Variants in CTNNA2 observed in about 807,000 individuals in gnomAD.
The protein encoded by CTNNA2 is catenin alpha 2.
In CTNNA2, 42 loss-of-function variants were observed where a neutral mutation model predicts 101.0. That is an observed-to-expected ratio of 0.42 (90% CI 0.32 to 0.54). The LOEUF is 0.54. Among genes scored for constraint, CTNNA2 ranks in the 20% least tolerant of loss-of-function variants. CTNNA2 has a pLI of 0.14. For missense variants in CTNNA2, 871 were observed against 1,223.1 expected (o/e 0.71, Z 4.29); for synonymous variants, 450 against 456.4 (o/e 0.99, Z 0.18).
intron 4 of CTNNA2, among the ~76,000 whole-genome samples, chr2:79,492,958 C>G (rs894478185): frequency 1.3e-5 from 2 of 152,072 alleles, no homozygotes; most frequent in Non-Finnish European, 1.5e-5. Context: ...AAGCAAAAAT[C>G]ACAACATCAT....
At chr2:79,799,807 A>C (rs747809482) in intron 3 of CTNNA2, among the ~76,000 whole-genome samples, 1 of 152,238 alleles carries the variant, frequency 6.6e-6, no homozygotes, top group Non-Finnish European at 1.5e-5. Flanking sequence ...GGTAGTGATC[A>C]TTATGAAAAT....
Position 80,141,149 on chromosome 2 carries a change from C to G in CTNNA2, c.1056+231352C>G, listed in dbSNP as rs548019631. Among the ~76,000 whole-genome samples, 227 of 152,130 alleles carry G rather than the reference C, an allele frequency of 1.5e-3. 1 individual carries two copies. Among genetic ancestry groups the G allele is most frequent in the African/African-American group, 5.3e-3 (219 of 41,500 alleles). On this transcript the variant is annotated intron_variant, in intron 7 of 18. Coordinates refer to ENST00000402739, the MANE Select transcript of CTNNA2 (RefSeq NM_001282597.3). ...GACCGCTCCATAGGCAGGAGCCTGCCTCAGGAAGGATGGACATATTTGAGA... is the reference window on the plus strand; with the variant it reads ...GACCGCTCCATAGGCAGGAGCCTGCGTCAGGAAGGATGGACATATTTGAGA...
chr2:80,072,111 G>A (rs966815776), intron 7 of CTNNA2, among the ~76,000 whole-genome samples: 2 of 152,070 alleles, frequency 1.3e-5, no homozygotes, highest in African/African-American at 2.4e-5. Context: ...GAGAAACACT[G>A]GCTTTAAAAA....
intron 2 of CTNNA2, among the ~76,000 whole-genome samples, chr2:79,688,423 A>G (rs1558839690): frequency 1.3e-5 from 2 of 152,034 alleles, no homozygotes; most frequent in Non-Finnish European, 2.9e-5. Context: ...TAAAAACAAC[A>G]TAATTAAAAA....
intron 1 of CTNNA2, chr2:79,523,391 A>G (rs888913693): frequency 1.4e-4 from 34 of 237,884 alleles, no homozygotes; most frequent in Middle Eastern, 1.0e-3. Context: ...CATTTTACAT[A>G]TAGTTTAAAG....
intron 3 of CTNNA2, among the ~76,000 whole-genome samples, chr2:79,325,349 A>G (rs1224048914): frequency 1.3e-5 from 2 of 152,216 alleles, no homozygotes; most frequent in Non-Finnish European, 2.9e-5. Context: ...GCAAAGAGAG[A>G]GACGAGAAAG....
At position 79,546,405 on chromosome 2, in the gene CTNNA2, T is replaced by C. The variant is rs113495388; in HGVS notation, c.-6+33198T>C. On this transcript the variant is annotated intron_variant, in intron 1 of 18. Transcript: ENST00000402739. The stretch of plus-strand genomic sequence containing the variant: ...AGTTGTATCCAAGCATCCTTCAGAG[T>C]AGAATAGAGAAACCATCTTTTTAAA... 3.0e-4 allele frequency among the ~76,000 whole-genome samples: 45 copies of C among 152,186 alleles called. 1 individual carries two copies. Among genetic ancestry groups the C allele is most frequent in the African/African-American group, 1.1e-3 (45 of 41,524 alleles).
intron 3 of CTNNA2, among the ~76,000 whole-genome samples, chr2:79,330,032 G>T (rs1050884150): frequency 2.0e-5 from 3 of 152,110 alleles, no homozygotes; most frequent in African/African-American, 7.2e-5. Context: ...CTTCTTCCAT[G>T]GAGAGGCCTC....
chr2:79,258,943 G>A (rs1381964559), intron 2 of CTNNA2, among the ~76,000 whole-genome samples: 1 of 151,130 alleles, frequency 6.6e-6, no homozygotes, highest in African/African-American at 2.4e-5. Context: ...AAAGATAAGT[G>A]AGGCCTATAT....
At chr2:79,723,254 A>G (rs546251892) in intron 2 of CTNNA2, among the ~76,000 whole-genome samples, 1 of 152,196 alleles carries the variant, frequency 6.6e-6, no homozygotes. Flanking sequence ...AAAGGTTTAG[A>G]CCAGGGATCT....
rs762005209 is a variant in CTNNA2 at position 80,393,275 on chromosome 2, G to C, written c.1121G>C (p.Arg374Thr). ...IAIDKMTKKT[R>T]DLRRQLRKAV... Reference sequence around the variant, plus strand: ...ATTGATAAGATGACTAAGAAAACAAGAGATCTAAGGAGACAGGTACTATTT... The same window carrying C: ...ATTGATAAGATGACTAAGAAAACAACAGATCTAAGGAGACAGGTACTATTT... The change falls in exon 8 of 19, where the codon AGA becomes ACA. Residue 374 changes from arginine (R) to threonine (T), a missense_variant. Coordinates refer to ENST00000402739, the MANE Select transcript of CTNNA2 (RefSeq NM_001282597.3). 1 of 1,608,012 alleles carries C rather than the reference G, an allele frequency of 6.2e-7. No individual in the cohort carries two copies. Among genetic ancestry groups the C allele is most frequent in the Non-Finnish European group, 8.5e-7 (1 of 1,176,918 alleles).
chr2:79,620,077 T>C (rs975377778), intron 1 of CTNNA2, among the ~76,000 whole-genome samples: 1 of 152,232 alleles, frequency 6.6e-6, no homozygotes, highest in Non-Finnish European at 1.5e-5. Flanking sequence ...TCTGAGGCTA[T>C]AGCCACAGCA....
intron 4 of CTNNA2, among the ~76,000 whole-genome samples, chr2:79,376,521 C>T (rs1429178896): frequency 1.3e-5 from 2 of 150,588 alleles, no homozygotes; most frequent in Admixed American, 1.3e-4. Context: ...TTTTAGGGTA[C>T]ATGTGCACAA....
chr2:79,901,592 G>T (rs1461011503), intron 6 of CTNNA2, among the ~76,000 whole-genome samples: 1 of 152,024 alleles, frequency 6.6e-6, no homozygotes, highest in Non-Finnish European at 1.5e-5. Flanking sequence ...GTCTTTCTTG[G>T]CATTTTGAAA....
intron 9 of CTNNA2, among the ~76,000 whole-genome samples, chr2:80,424,904 T>A (rs1044279960): frequency 4.6e-5 from 7 of 152,160 alleles, no homozygotes; most frequent in Admixed American, 1.3e-4. Context: ...GAACCTCTCT[T>A]CTCTATGGGA....
intron 9 of CTNNA2, among the ~76,000 whole-genome samples, chr2:80,518,644 A>AATGGCATGTTGTT (rs1689286520): frequency 6.6e-6 from 1 of 152,114 alleles, no homozygotes; most frequent in African/African-American, 2.4e-5. Flanking sequence ...TTATTATATG[A>AATGGCATGTTGTT]ATGGCATGTT....
intron 2 of CTNNA2, among the ~76,000 whole-genome samples, chr2:79,726,207 T>C (rs941686486): frequency 6.6e-6 from 1 of 152,198 alleles, no homozygotes; most frequent in African/African-American, 2.4e-5. Flanking sequence ...CAGCTTTCTT[T>C]TGGTCCATCA....
intron 3 of CTNNA2, among the ~76,000 whole-genome samples, chr2:79,754,164 G>A (rs561511415): frequency 2.0e-5 from 3 of 152,060 alleles, no homozygotes; most frequent in African/African-American, 7.2e-5. Flanking sequence ...ACTGTGCCTG[G>A]CCTCACTATT....
intron 2 of CTNNA2, among the ~76,000 whole-genome samples, chr2:79,659,859 AG>A: frequency 6.6e-6 from 1 of 152,228 alleles, no homozygotes; most frequent in Admixed American, 6.5e-5. Context: ...AAAGTTATCC[AG>A]GTGTGGTGGC....
Sources: gnomAD v4.1 joint callset for allele counts (sites outside exome capture counted in the v4.1 genomes callset) on GRCh38, gnomAD v4.1.1 for gene constraint, MANE v1.5 for transcripts, NCBI Gene and HGNC (gene_info 2026-07-23, HGNC 2026-07-21) for gene names.